The following GSAP variants were observed in gnomAD, a reference collection of about 807,000 sequenced individuals.
GSAP encodes gamma-secretase-activating protein.
A neutral mutation model predicts 131.7 loss-of-function variants in GSAP; 118 were observed. The observed-to-expected ratio is 0.90, with a 90% CI of 0.77 to 1.04. The LOEUF (loss-of-function observed/expected upper bound fraction) is 1.04, where lower values mean the gene tolerates loss of function less well. GSAP is among the 50% of genes least tolerant of loss of function. GSAP has a pLI of 0.00. For synonymous variants in GSAP, 381 were observed against 363.4 expected (o/e 1.05, Z -0.55); for missense variants, 1,019 against 1,013.2 (o/e 1.01, Z -0.08).
At chr7:77,320,966 G>A (rs946737947) in intron 25 of GSAP, 147 bp from the exon 26 acceptor site, 3 of 632,640 alleles carry the variant, frequency 4.7e-6, no homozygotes, top group African/African-American at 3.7e-5. Context: ...AAATATGAAT[G>A]TGACCATCGG....
rs188007164 is a variant in GSAP, at chr7:77,391,416, A to G, written c.368-3968T>C. Among the ~76,000 whole-genome samples the G allele has an allele frequency of 1.6e-3, 240 of 152,348 alleles. 1 individual carries two copies. The highest frequency in any genetic ancestry group is 2.5e-3 in the Non-Finnish European group (172 of 68,026). ...GTGCTTTCACAGTGAAAAAGGAAGCATCGTGAATTAAGATTCTAGAGACAT... is the reference window on the plus strand; with the variant it reads ...GTGCTTTCACAGTGAAAAAGGAAGCGTCGTGAATTAAGATTCTAGAGACAT... On this transcript the variant is annotated intron_variant, in intron 5 of 30. Transcript: ENST00000257626.
chr7:77,385,389 C>T (rs563573441), intron 6 of GSAP, among the ~76,000 whole-genome samples: 1 of 152,300 alleles, frequency 6.6e-6, no homozygotes, highest in African/African-American at 2.4e-5. Flanking sequence ...ATTTTAACCA[C>T]TTTAATATAT....
rs189359499 is a variant in GSAP at position 77,358,158 on chromosome 7, T to C, written c.1028-2511A>G. ...GAGTTCGAGACCAGCCTGGGCAGCA[T>C]GACAAAACCCCATCTCTACAAAAAA... On this transcript the variant is annotated intron_variant, in intron 14 of 30. Transcript: ENST00000257626. Among the ~76,000 whole-genome samples, 11 of 152,246 alleles carry C rather than the reference T, an allele frequency of 7.2e-5. No homozygotes were observed. The East Asian group carries it at 1.9e-3, about 27-fold the overall frequency.
At chr7:77,377,538 G>T in intron 8 of GSAP, 148 bp from the exon 9 acceptor site, 1 of 926,074 alleles carries the variant, frequency 1.1e-6, no homozygotes, top group Non-Finnish European at 1.5e-6. Context: ...CCCACCCCTA[G>T]TATACACAGT....
Position 77,326,193 on chromosome 7 carries a change from G to T in GSAP, c.1827+19C>A. 1 of 1,582,282 alleles carries T rather than the reference G, an allele frequency of 6.3e-7. No individual in the cohort carries two copies. Among genetic ancestry groups the T allele is most frequent in the South Asian group, 1.1e-5 (1 of 88,982 alleles). On this transcript the variant is annotated intron_variant, in intron 23 of 30. Transcript: ENST00000257626. The stretch of plus-strand genomic sequence containing the variant: ...GGTTCCTTGTTTGCCAGCCCCTAAA[G>T]AACCCACGTACCACTTACCAGCCCC...
intron 14 of GSAP, among the ~76,000 whole-genome samples, chr7:77,358,622 A>G (rs1273896916): frequency 2.6e-5 from 4 of 152,216 alleles, no homozygotes; most frequent in Non-Finnish European, 4.4e-5. Flanking sequence ...CAAAAATGCT[A>G]TAAGATAAAA....
At chr7:77,337,629 G>C (rs1305484446) in intron 19 of GSAP, among the ~76,000 whole-genome samples, 1 of 152,170 alleles carries the variant, frequency 6.6e-6, no homozygotes, top group African/African-American at 2.4e-5. Flanking sequence ...AAGTAGAAGG[G>C]AGCAGTAAGT....
intron 8 of GSAP, among the ~76,000 whole-genome samples, chr7:77,380,903 T>C (rs188744854): frequency 3.2e-4 from 49 of 152,338 alleles, no homozygotes; most frequent in African/African-American, 1.1e-3. Flanking sequence ...CCCATAGGGA[T>C]ACTCCTGATC....
intron 1 of GSAP, among the ~76,000 whole-genome samples, chr7:77,412,336 T>A (rs1476173316): frequency 6.6e-6 from 1 of 152,116 alleles, no homozygotes; most frequent in East Asian, 1.9e-4. Flanking sequence ...TTAAAAAAAA[T>A]TGGACTCCTA....
chr7:77,344,103 G>C (rs1791435807), intron 19 of GSAP, among the ~76,000 whole-genome samples: 1 of 152,008 alleles, frequency 6.6e-6, no homozygotes, highest in Admixed American at 6.6e-5. Context: ...TTTCCCACAG[G>C]GTCTGCGAAG....
In GSAP at chr7:77,376,058, G is replaced by A. The variant is rs185118681; in HGVS notation, c.741+790C>T. Among the ~76,000 whole-genome samples the A allele has an allele frequency of 3.3e-5, 5 of 152,016 alleles. No individual in the cohort carries two copies. In the East Asian group the frequency reaches 9.7e-4, roughly 29 times the overall value. ...TTTTCAGGGGTAACGCTAGATTTTGGTTAAACTATACCCTCTCATTGACTT... is the reference window on the plus strand; with the variant it reads ...TTTTCAGGGGTAACGCTAGATTTTGATTAAACTATACCCTCTCATTGACTT... On this transcript the variant is annotated intron_variant, in intron 10 of 30. Transcript: ENST00000257626.
chr7:77,354,792 T>C (rs905468261), intron 16 of GSAP, among the ~76,000 whole-genome samples: 1 of 152,062 alleles, frequency 6.6e-6, no homozygotes, highest in Middle Eastern at 3.2e-3. Flanking sequence ...CACGTGGAAG[T>C]ACTTAATAAA....
intron 24 of GSAP, among the ~76,000 whole-genome samples, chr7:77,322,675 A>G (rs1005147593): frequency 6.7e-6 from 1 of 148,204 alleles, no homozygotes; most frequent in African/African-American, 2.5e-5. Flanking sequence ...GTACAGTGCT[A>G]TTGAGAAGGA....
chr7:77,401,776 G>A (rs1027636140), intron 3 of GSAP, among the ~76,000 whole-genome samples: 1 of 152,182 alleles, frequency 6.6e-6, no homozygotes, highest in Non-Finnish European at 1.5e-5. Flanking sequence ...CCTAAAGAAT[G>A]TATAGGAAAT....
At chr7:77,350,871 G>T (rs976781576) in intron 18 of GSAP, among the ~76,000 whole-genome samples, 1 of 152,110 alleles carries the variant, frequency 6.6e-6, no homozygotes, top group Non-Finnish European at 1.5e-5. Context: ...TTTAATAAAA[G>T]GATAAACTTT....
At position 77,351,009 on chromosome 7, in the gene GSAP, A is replaced by T. The variant is rs1011118430; in HGVS notation, c.1492-1605T>A. 11 of 516,920 alleles carry T rather than the reference A, an allele frequency of 2.1e-5. No homozygotes were observed. The East Asian group carries it at 1.5e-3, about 69-fold the overall frequency. The allele number at this position is 516,920 out of a possible 1,614,324, so 32.0% of individuals were successfully genotyped here. ...AAAGTAGATAAGTATATAAGAAAATATTTTAGGAGATGTAATGTAGAAATA... is the reference window on the plus strand; with the variant it reads ...AAAGTAGATAAGTATATAAGAAAATTTTTTAGGAGATGTAATGTAGAAATA... On this transcript the variant is annotated intron_variant, in intron 18 of 30. Transcript: ENST00000257626.
chr7:77,325,550 G>T (rs1165075582), intron 23 of GSAP, among the ~76,000 whole-genome samples: 1 of 152,086 alleles, frequency 6.6e-6, no homozygotes, highest in Non-Finnish European at 1.5e-5. Context: ...AAAGTACTTT[G>T]TTCTGTTGTT....
chr7:77,342,585 A>C (rs561614139), intron 19 of GSAP, among the ~76,000 whole-genome samples: 2 of 151,852 alleles, frequency 1.3e-5, no homozygotes, highest in Non-Finnish European at 2.9e-5. Flanking sequence ...ACCTTAATCC[A>C]CAAGTATAGG....
chr7:77,380,621 C>T (rs1797649706), intron 8 of GSAP, among the ~76,000 whole-genome samples: 1 of 151,722 alleles, frequency 6.6e-6, no homozygotes, highest in Non-Finnish European at 1.5e-5. Context: ...GAATAATAAA[C>T]CCCTGGGTGG....
Sources: allele counts gnomAD v4.1 joint callset (sites outside exome capture counted in the v4.1 genomes callset), GRCh38; gene constraint gnomAD v4.1.1; transcripts MANE v1.5; gene names NCBI Gene and HGNC (gene_info 2026-07-23, HGNC 2026-07-21).